Variants in ARHGAP35 observed in about 807,000 individuals in gnomAD.
The protein encoded by ARHGAP35 is rho GTPase-activating protein 35.
Under a neutral mutation model 111.1 loss-of-function variants are expected in ARHGAP35, and 15 were observed. The observed-to-expected ratio is 0.13, with a 90% CI of 0.09 to 0.21. The LOEUF (loss-of-function observed/expected upper bound fraction) is 0.21. ARHGAP35 is among the 10% of genes least tolerant of loss of function. The pLI is 1.00. For synonymous variants in ARHGAP35, 643 were observed against 710.3 expected, an observed-to-expected ratio of 0.91 and a Z score of 1.51; for missense variants, 1,262 against 1,873.0, an observed-to-expected ratio of 0.67 and a Z score of 6.02.
chr19:46,938,847 A>G (rs1036205423), intron 3 of ARHGAP35, among the ~76,000 whole-genome samples: 3 of 151,056 alleles, frequency 2.0e-5, no homozygotes, highest in Middle Eastern at 3.4e-3. Flanking sequence ...TAATAGAGAT[A>G]GGGTTTCACC....
chr19:46,918,588 C>T lies in ARHGAP35; in HGVS notation c.-88C>T. ...CATTTTTGCTGCATGTCCAGCCCAC[C>T]CCCACTAATAATGTAGGAAGCTGTC... On this transcript the variant is annotated 5_prime_UTR_variant, in exon 2 of 7. Transcript: ENST00000672722. This position sits in a 1 kb window ranked among gnomAD's most constrained non-coding sequence, Gnocchi z 5.4. 1.5e-6 allele frequency: 2 copies of T among 1,353,332 alleles called. No individual in the cohort carries two copies. The highest frequency in any genetic ancestry group is 2.1e-6 in the Non-Finnish European group (2 of 973,440). 83.8% of individuals were successfully genotyped at this position (1,353,332 alleles called of 1,614,324 possible).
At chr19:46,915,207 TTTTG>T (rs1189949602) in intron 1 of ARHGAP35, among the ~76,000 whole-genome samples, 2 of 152,232 alleles carry the variant, frequency 1.3e-5, no homozygotes, top group African/African-American at 4.8e-5. Context: ...CATCTTATAA[TTTTG>T]TTTATGTAAG....
chr19:46,968,977 T>G (rs1377350160), intron 3 of ARHGAP35, among the ~76,000 whole-genome samples: 1 of 152,038 alleles, frequency 6.6e-6, no homozygotes, highest in Non-Finnish European at 1.5e-5. Context: ...ATCCCAGCTA[T>G]TCAGGAGACT....
rs758783354 is a variant in ARHGAP35, at chr19:46,874,501, C to CTTTT, written c.-189+13309_-189+13312dup. Among the ~76,000 whole-genome samples the CTTTT allele has an allele frequency of 2.8e-4, 32 of 114,448 alleles. 1 individual carries two copies. The highest frequency in any genetic ancestry group is 4.0e-4 in the Admixed American group (4 of 9,974). 75.1% of individuals were successfully genotyped at this position (114,448 alleles called of 152,430 possible). A position where few individuals can be genotyped will look rare whatever the true frequency, so the allele number is the denominator to read the frequency against. On this transcript the variant is annotated intron_variant, in intron 1 of 6. Coordinates refer to ENST00000672722, the MANE Select transcript of ARHGAP35 (RefSeq NM_004491.5). ...TCCAAGCTCATGTTTTATGTTTTGT[C>CTTTT]TTTTTTTTTTTTTTTTTTTTGAGTC...
At chr19:46,878,864 G>A (rs1319137386) in intron 1 of ARHGAP35, among the ~76,000 whole-genome samples, 1 of 152,106 alleles carries the variant, frequency 6.6e-6, no homozygotes, top group East Asian at 1.9e-4. Context: ...TGATGCTGAT[G>A]GCTTCTGACT....
chr19:46,889,511 G>A (rs191969348), intron 1 of ARHGAP35, among the ~76,000 whole-genome samples: 15 of 151,912 alleles, frequency 9.9e-5, no homozygotes, highest in Non-Finnish European at 2.1e-4. Flanking sequence ...AATCAACAGC[G>A]ATTAATTATA....
At chr19:46,899,874 G>T (rs2056076022) in intron 1 of ARHGAP35, among the ~76,000 whole-genome samples, 1 of 152,112 alleles carries the variant, frequency 6.6e-6, no homozygotes, top group Non-Finnish European at 1.5e-5. Flanking sequence ...AAGTTGTCTT[G>T]AATGAATTGT....
At chr19:46,998,686 C>T (rs2056729166) in intron 5 of ARHGAP35, among the ~76,000 whole-genome samples, 1 of 152,250 alleles carries the variant, frequency 6.6e-6, no homozygotes, top group South Asian at 2.1e-4. Context: ...AGTTGTTTTC[C>T]CTCCCCCAGG....
intron 1 of ARHGAP35, among the ~76,000 whole-genome samples, chr19:46,879,195 C>T (rs917904799): frequency 6.6e-5 from 10 of 152,254 alleles, no homozygotes; most frequent in East Asian, 3.9e-4. Context: ...GGTGGCTTAA[C>T]GCCAGTAATC....
intron 1 of ARHGAP35, among the ~76,000 whole-genome samples, chr19:46,917,318 G>T (rs1460035911): frequency 1.3e-5 from 2 of 152,078 alleles, no homozygotes; most frequent in Non-Finnish European, 2.9e-5. Flanking sequence ...CCCTTTAAAG[G>T]CTGAATAGGC....
rs779034795 is a variant in ARHGAP35, at chr19:46,937,392, G to GT, written c.3811dup (p.Tyr1271LeufsTer3). On this transcript the variant is annotated frameshift_variant, in exon 3 of 7. Coordinates refer to ENST00000672722, the MANE Select transcript of ARHGAP35 (RefSeq NM_004491.5). LOFTEE classifies it high-confidence loss of function. ...CCATTTTTATTGAAAGATGTATTGAGTACATTGAAGCCACAGGTAAGAGTA... is the reference window on the plus strand; with the variant it reads ...CCATTTTTATTGAAAGATGTATTGAGTTACATTGAAGCCACAGGTAAGAGTA... 1 of 1,613,944 alleles carries GT rather than the reference G, an allele frequency of 6.2e-7. No homozygotes were observed. Among genetic ancestry groups the GT allele is most frequent in the Non-Finnish European group, 8.5e-7 (1 of 1,179,852 alleles).
chr19:46,972,160 C>G (rs534126477), intron 3 of ARHGAP35, among the ~76,000 whole-genome samples: 15 of 152,300 alleles, frequency 9.8e-5, no homozygotes, highest in South Asian at 6.2e-4. Context: ...AGGCGTGCAT[C>G]AGCACGCCAG....
At chr19:46,929,932 A>T (rs1041666380) in intron 2 of ARHGAP35, among the ~76,000 whole-genome samples, 2 of 150,608 alleles carry the variant, frequency 1.3e-5, no homozygotes, top group Non-Finnish European at 3.0e-5. Flanking sequence ...AAAAAAAATT[A>T]AAAAAATTTT....
rs200029653 is a variant in ARHGAP35, at chr19:46,919,535, A to G, written c.860A>G (p.Asn287Ser). Reference protein sequence around the residue: ...YEWLVSRIVKNHNENWLSVSR... With the variant: ...YEWLVSRIVKSHNENWLSVSR... ...TGGCTGGTGAGTCGCATTGTGAAAA[A>G]CCACAATGAGAACTGGCTGAGTGTC... The change falls in exon 2 of 7, where the codon AAC becomes AGC. Residue 287 changes from asparagine (N) to serine (S), a missense_variant. Coordinates refer to ENST00000672722, the MANE Select transcript of ARHGAP35 (RefSeq NM_004491.5). This position sits in a 1 kb window ranked among gnomAD's most constrained non-coding sequence, Gnocchi z 6.2. The G allele has an allele frequency of 1.7e-4, 269 of 1,613,736 alleles. No individual in the cohort carries two copies. Among genetic ancestry groups the G allele is most frequent in the Middle Eastern group, 4.9e-4 (3 of 6,084 alleles).
In ARHGAP35 at chr19:46,920,105, A is replaced by T. The variant is rs2122195759; in HGVS notation, c.1430A>T (p.Tyr477Phe). The change falls in exon 2 of 7, where the codon TAT becomes TTT. Residue 477 changes from tyrosine to phenylalanine, a missense_variant. Transcript: ENST00000672722. The surrounding 1 kb of genome is among the most constrained non-coding windows in gnomAD (Gnocchi z 7.0). ...GAGGAATCTGTATACATGGATATTT[A>T]TGGCAAACACCAAAAGCAAATTATA... Reference protein sequence around the residue: ...WLEESVYMDIYGKHQKQIIDK... With the variant: ...WLEESVYMDIFGKHQKQIIDK... 1 of 1,613,982 alleles carries T rather than the reference A, an allele frequency of 6.2e-7. No homozygotes were observed. The highest frequency in any genetic ancestry group is 2.2e-5 in the East Asian group (1 of 44,886).
At chr19:46,996,576 G>A (rs949126181) in intron 5 of ARHGAP35, among the ~76,000 whole-genome samples, 2 of 152,162 alleles carry the variant, frequency 1.3e-5, no homozygotes, top group African/African-American at 4.8e-5. Flanking sequence ...AGGACGGGAT[G>A]AGACCCAGCT....
intron 1 of ARHGAP35, among the ~76,000 whole-genome samples, chr19:46,905,560 C>A (rs1405765713): frequency 2.1e-4 from 30 of 145,712 alleles, no homozygotes; most frequent in Non-Finnish European, 7.6e-5. Flanking sequence ...ATTCCACCCC[C>A]CCCCCCCAAG....
Position 46,989,572 on chromosome 19 carries a change from C to T in ARHGAP35, c.3933C>T (p.Asp1311=). The T allele has an allele frequency of 6.2e-7, 1 of 1,613,984 alleles. No individual in the cohort carries two copies. Among genetic ancestry groups the T allele is most frequent in the Non-Finnish European group, 8.5e-7 (1 of 1,179,878 alleles). Residue 1311 remains aspartate (D), a synonymous_variant, in exon 5 of 7, where the codon GAC becomes GAT. Transcript: ENST00000672722. The surrounding 1 kb of genome is among the most constrained non-coding windows in gnomAD (Gnocchi z 5.3). ...QDHNLDLAEK[D]FTVNTVAGAM... The stretch of plus-strand genomic sequence containing the variant: ...ACAACCTGGACCTGGCAGAGAAAGA[C>T]TTTACGGTGAATACCGTGGCTGGTG...
intron 1 of ARHGAP35, among the ~76,000 whole-genome samples, chr19:46,917,065 GT>G (rs1274114954): frequency 1.3e-5 from 2 of 151,028 alleles, no homozygotes; most frequent in Non-Finnish European, 2.9e-5. Flanking sequence ...ATACTTTCAT[GT>G]TATGCAACTA....
Sources: allele counts gnomAD v4.1 joint callset (sites outside exome capture counted in the v4.1 genomes callset), GRCh38; gene constraint gnomAD v4.1.1; non-coding constraint Gnocchi (gnomAD v3.1); transcripts MANE v1.5; gene names NCBI Gene and HGNC (gene_info 2026-07-23, HGNC 2026-07-21).